The following SVEP1 variants were observed in gnomAD, a reference collection of about 807,000 sequenced individuals.
SVEP1 encodes sushi, von Willebrand factor type A, EGF and pentraxin domain-containing protein 1.
SVEP1 carries 164 observed loss-of-function variants against 367.3 expected under a neutral mutation model. The observed-to-expected ratio is 0.45, with a 90% CI of 0.39 to 0.51. SVEP1 has a LOEUF of 0.51. Ranked by LOEUF, SVEP1 falls within the 20% of genes least tolerant of loss-of-function variation. SVEP1 has a pLI of 0.00. For synonymous variants in SVEP1, 1,666 were observed against 1,611.6 expected (o/e 1.03, Z -0.81); for missense variants, 4,117 against 4,425.3 (o/e 0.93, Z 1.98).
chr9:110,550,214 T>C, intron 1 of SVEP1, 110 bp from the exon 2 acceptor site: 1 of 1,415,596 alleles, frequency 7.1e-7, no homozygotes, highest in East Asian at 2.3e-5. Context: ...TTCACAGGCA[T>C]GAGGGATGGA....
intron 22 of SVEP1, among the ~76,000 whole-genome samples, chr9:110,453,125 T>C (rs1210146476): frequency 1.3e-5 from 2 of 152,150 alleles, no homozygotes; most frequent in Non-Finnish European, 2.9e-5. Flanking sequence ...CTTTGAAATG[T>C]TATCAGGATT....
chr9:110,415,562 CA>C (rs1828107114), intron 36 of SVEP1, among the ~76,000 whole-genome samples: 1 of 152,012 alleles, frequency 6.6e-6, no homozygotes, highest in South Asian at 2.1e-4. Context: ...ATGACTTGAA[CA>C]GAGCGATGCC....
rs201866666 is a variant in SVEP1 at position 110,387,398 on chromosome 9, G to A, written c.9947C>T (p.Thr3316Met). ...LNGKADIENR[T>M]TGPNVVYSCN... ...GGAATATACCACGTTGGGTCCAGTC[G>A]TCCTGTTTTCAATGTCAGCTTTCCC... Residue 3316 changes from threonine (T) to methionine (M), a missense_variant, in exon 42 of 48, where the codon ACG becomes ATG. Physicochemically the swap from Thr to Met is moderately conservative, Grantham distance 81 (BLOSUM62 -1). Around this residue, in one of 4 missense-constraint regions of SVEP1, gnomAD observed 1,765 missense variants for 1,781.1 expected, o/e 0.99. Coordinates refer to ENST00000374469, the MANE Select transcript of SVEP1 (RefSeq NM_153366.4). 53 of 1,613,366 alleles carry A rather than the reference G, an allele frequency of 3.3e-5. No individual in the cohort carries two copies. Among genetic ancestry groups the A allele is most frequent in the Admixed American group, 1.2e-4 (7 of 59,780 alleles).
At chr9:110,460,694 G>T (rs942702698) in intron 18 of SVEP1, among the ~76,000 whole-genome samples, 1 of 152,216 alleles carries the variant, frequency 6.6e-6, no homozygotes, top group East Asian at 1.9e-4. Flanking sequence ...AGAGGTTGCA[G>T]TGAGATGAGA....
chr9:110,512,413 T>C (rs1662000314), intron 5 of SVEP1, among the ~76,000 whole-genome samples: 1 of 152,104 alleles, frequency 6.6e-6, no homozygotes, highest in Admixed American at 6.5e-5. Context: ...GAGCCTCAGA[T>C]TCCATTGGTG....
intron 13 of SVEP1, 21 bp downstream of exon 13, chr9:110,479,614 A>G (rs1829153744): frequency 1.3e-6 from 2 of 1,581,922 alleles, no homozygotes; most frequent in South Asian, 2.3e-5. Flanking sequence ...AACACACAAT[A>G]AATGACCACT....
intron 18 of SVEP1, among the ~76,000 whole-genome samples, chr9:110,464,650 C>A (rs1828908379): frequency 6.6e-6 from 1 of 152,114 alleles, no homozygotes; most frequent in Non-Finnish European, 1.5e-5. Flanking sequence ...AGTAGGGAAC[C>A]AGTAGGTTGG....
At chr9:110,541,819 ATCT>A in intron 3 of SVEP1, among the ~76,000 whole-genome samples, 1 of 141,960 alleles carries the variant, frequency 7.0e-6, no homozygotes, top group South Asian at 2.2e-4. Context: ...ATACATAGAT[ATCT>A]ATATATATCT....
At chr9:110,534,058 T>A (rs180686499) in intron 3 of SVEP1, among the ~76,000 whole-genome samples, 400 of 152,252 alleles carry the variant, frequency 2.6e-3, no homozygotes, top group African/African-American at 9.1e-3. Flanking sequence ...CAGGGGTACA[T>A]GTGCAGGTTT....
intron 32 of SVEP1, 131 bp downstream of exon 32, chr9:110,431,784 A>G: frequency 8.1e-7 from 1 of 1,228,142 alleles, no homozygotes; most frequent in East Asian, 2.6e-5. Context: ...TAAGAACTTT[A>G]TCTTATCTGC....
chr9:110,511,488 CTTTTTTTTTTTTTTTT>C (rs199993986), intron 5 of SVEP1, among the ~76,000 whole-genome samples: 73 of 77,562 alleles, frequency 9.4e-4, no homozygotes, highest in African/African-American at 2.6e-3. Flanking sequence ...GTGTCAGTAC[CTTTTTTTTTTTTTTTT>C]TTTTTTTTTT....
intron 8 of SVEP1, among the ~76,000 whole-genome samples, chr9:110,494,715 G>A (rs1829419893): frequency 6.6e-6 from 1 of 151,994 alleles, no homozygotes; most frequent in South Asian, 2.1e-4. Flanking sequence ...TTCTTACCCT[G>A]CTTTGAGTTC....
chr9:110,579,624 A>AG lies in SVEP1; in HGVS notation c.-82dup. Reference sequence around the variant, plus strand: ...AGGCGCTGGGCGGCCGGACTCGCAGAGGGGCGTGCGCGGAGCTGGGCGCGG... The same window carrying AG: ...AGGCGCTGGGCGGCCGGACTCGCAGAGGGGGCGTGCGCGGAGCTGGGCGCGG... On this transcript the variant is annotated 5_prime_UTR_variant, in exon 1 of 48. Transcript: ENST00000374469. The surrounding 1 kb of genome is among the most constrained non-coding windows in gnomAD (Gnocchi z 5.3). 1.5e-5 allele frequency: 21 copies of AG among 1,431,046 alleles called. No individual in the cohort carries two copies. The South Asian group carries it at 2.7e-4, about 18-fold the overall frequency. 88.6% of individuals were successfully genotyped at this position (1,431,046 alleles called of 1,614,324 possible).
At chr9:110,575,658 C>G (rs1271486798) in intron 1 of SVEP1, among the ~76,000 whole-genome samples, 1 of 152,114 alleles carries the variant, frequency 6.6e-6, no homozygotes, top group Non-Finnish European at 1.5e-5. Flanking sequence ...ATCCAGTAGA[C>G]TAACAAAACA....
At chr9:110,424,114 C>T (rs921202553) in intron 36 of SVEP1, among the ~76,000 whole-genome samples, 2 of 152,226 alleles carry the variant, frequency 1.3e-5, no homozygotes, top group Non-Finnish European at 2.9e-5. Context: ...TAAAAATGTG[C>T]ATCTTCCATG....
chr9:110,490,094 T>C (rs140187183), intron 8 of SVEP1, among the ~76,000 whole-genome samples: 19 of 152,302 alleles, frequency 1.2e-4, no homozygotes, highest in African/African-American at 4.3e-4. Context: ...AAATATAAGA[T>C]AATTTAAGAA....
chr9:110,549,418 T>C (rs1670317884), intron 2 of SVEP1, among the ~76,000 whole-genome samples: 1 of 152,194 alleles, frequency 6.6e-6, no homozygotes, highest in Admixed American at 6.5e-5. Context: ...GTGTTAAGTA[T>C]TTATTGTTCC....
At chr9:110,489,608 G>A (rs753169818) in intron 9 of SVEP1, 42 bp downstream of exon 9, 2 of 1,571,230 alleles carry the variant, frequency 1.3e-6, no homozygotes, top group South Asian at 2.3e-5. Context: ...CACAGTTCAA[G>A]ATGACGTTTG....
At chr9:110,505,463 T>C (rs2118760105) in intron 5 of SVEP1, among the ~76,000 whole-genome samples, 1 of 152,276 alleles carries the variant, frequency 6.6e-6, no homozygotes, top group Middle Eastern at 3.4e-3. Context: ...TTTCAGTTAA[T>C]CCCCTCATAT....
Sources: gnomAD v4.1 joint callset for allele counts (sites outside exome capture counted in the v4.1 genomes callset) on GRCh38, gnomAD v4.1.1 for gene constraint, gnomAD v4.1.1 regional missense constraint, Gnocchi (gnomAD v3.1) non-coding constraint, MANE v1.5 for transcripts, NCBI Gene and HGNC (gene_info 2026-07-23, HGNC 2026-07-21) for gene names.